TENM3: variants seen among roughly 807,000 people sequenced by gnomAD.
TENM3 encodes teneurin-3.
A neutral mutation model predicts 255.1 loss-of-function variants in TENM3; 63 were observed. That is an observed-to-expected ratio of 0.25 (90% CI 0.20 to 0.30). TENM3 has a LOEUF of 0.30. Among genes scored for constraint, TENM3 ranks in the 10% least tolerant of loss-of-function variants. The pLI, the probability that TENM3 is intolerant of heterozygous loss-of-function variation, is 1.00. For synonymous variants in TENM3, 1,306 were observed against 1,322.3 expected (o/e 0.99, Z 0.27); for missense variants, 2,929 against 3,461.1 (o/e 0.85, Z 3.86).
intron 3 of TENM3, among the ~76,000 whole-genome samples, chr4:182,374,731 C>T (rs1422843499): frequency 6.6e-6 from 1 of 152,132 alleles, no homozygotes; most frequent in South Asian, 2.1e-4. Flanking sequence ...TTCTTCCTGT[C>T]TTTTGTCCTT....
the TENM3 span, among the ~76,000 whole-genome samples, chr4:182,008,561 C>T: frequency 7.2e-5 from 11 of 151,880 alleles, no homozygotes; most frequent in African/African-American, 1.9e-4. Context: ...CTGAAATTCT[C>T]GTGCTATGTT....
intron 1 of TENM3, among the ~76,000 whole-genome samples, chr4:182,253,860 G>A (rs1487513341): frequency 6.6e-6 from 1 of 151,714 alleles, no homozygotes. Flanking sequence ...CCCAGTAAAT[G>A]CCTTAAAAAA....
the TENM3 span, among the ~76,000 whole-genome samples, chr4:181,672,938 T>C: frequency 2.0e-5 from 3 of 152,302 alleles, no homozygotes; most frequent in East Asian, 5.8e-4. Context: ...TCTGTAGCTG[T>C]CTCTGTTCTC....
At chr4:182,309,510 C>T (rs1294491579) in intron 1 of TENM3, among the ~76,000 whole-genome samples, 1 of 152,180 alleles carries the variant, frequency 6.6e-6, no homozygotes, top group African/African-American at 2.4e-5. Context: ...CAGTTTCATT[C>T]CTCCTCTTGA....
At chr4:182,561,943 T>G (rs926528965) in intron 3 of TENM3, among the ~76,000 whole-genome samples, 54 of 152,012 alleles carry the variant, frequency 3.6e-4, no homozygotes, top group African/African-American at 1.3e-3. Context: ...TGTGCATATA[T>G]GTATATAAAC....
the TENM3 span, among the ~76,000 whole-genome samples, chr4:181,480,997 A>G: frequency 9.7e-4 from 147 of 151,872 alleles, 5 homozygotes; most frequent in East Asian, 0.027. Flanking sequence ...ACAGCGATTG[A>G]CATTCACCAT....
chr4:181,605,821 A>G, the TENM3 span, among the ~76,000 whole-genome samples: 1 of 152,204 alleles, frequency 6.6e-6, no homozygotes, highest in Non-Finnish European at 1.5e-5. Flanking sequence ...GTTAGCAGTT[A>G]AAATCTTTTG....
At chr4:181,583,977 G>C in the TENM3 span, among the ~76,000 whole-genome samples, 1 of 152,150 alleles carries the variant, frequency 6.6e-6, no homozygotes, top group South Asian at 2.1e-4. Context: ...AGTTATCCAT[G>C]TATAAAGATT....
chr4:181,903,705 G>A, the TENM3 span, among the ~76,000 whole-genome samples: 1 of 152,110 alleles, frequency 6.6e-6, no homozygotes, highest in East Asian at 1.9e-4. Flanking sequence ...ACATCACCTT[G>A]GGAAGCAAGC....
intron 3 of TENM3, among the ~76,000 whole-genome samples, chr4:182,408,275 C>A (rs1455746352): frequency 1.3e-5 from 2 of 152,078 alleles, no homozygotes; most frequent in Non-Finnish European, 2.9e-5. Flanking sequence ...AAAAAGACAC[C>A]AATTTATCAA....
intron 3 of TENM3, among the ~76,000 whole-genome samples, chr4:182,585,690 G>A (rs1019620751): frequency 2.0e-5 from 3 of 152,126 alleles, no homozygotes; most frequent in African/African-American, 4.8e-5. Flanking sequence ...ATTTTGTTAC[G>A]GAAGCTTGAG....
At chr4:181,918,017 G>T in the TENM3 span, among the ~76,000 whole-genome samples, 1 of 152,088 alleles carries the variant, frequency 6.6e-6, no homozygotes, top group Non-Finnish European at 1.5e-5. Flanking sequence ...TTCTTAGGCT[G>T]AAAATATTTT....
intron 14 of TENM3, among the ~76,000 whole-genome samples, chr4:182,729,451 A>T (rs1035394307): frequency 2.0e-5 from 3 of 152,234 alleles, no homozygotes. Context: ...TTGTTAGCAC[A>T]GTTGGAAATG....
the TENM3 span, among the ~76,000 whole-genome samples, chr4:182,125,163 G>A: frequency 8.3e-6 from 1 of 120,908 alleles, no homozygotes; most frequent in Non-Finnish European, 1.8e-5. Context: ...ATTGCCCAGC[G>A]CATCCACGCT....
the TENM3 span, among the ~76,000 whole-genome samples, chr4:181,641,550 G>GTATA: frequency 2.5e-3 from 121 of 49,016 alleles, 6 homozygotes; most frequent in African/African-American, 0.013. Context: ...TCCATGGTGT[G>GTATA]TGTGTATATA....
chr4:181,594,638 C>T, the TENM3 span, among the ~76,000 whole-genome samples: 44 of 152,270 alleles, frequency 2.9e-4, no homozygotes, highest in Admixed American at 7.2e-4. Flanking sequence ...GCAGCCTCAA[C>T]GGGTTCCATG....
chr4:182,714,314 CCAAAAA>C lies in TENM3; in HGVS notation c.2368+82_2368+87del, dbSNP rs1758983355. The C allele has an allele frequency of 1.1e-4, 14 of 121,992 alleles. No individual in the cohort carries two copies. In the South Asian group the frequency reaches 1.8e-3, roughly 16 times the overall value. 7.6% of individuals were successfully genotyped at this position (121,992 alleles called of 1,614,324 possible). ...ACAGTGAGTACATAGATATCTGTTG[CCAAAAA>C]AAAAAAAAAAAAAAAAAAACCTGAT... On this transcript the variant is annotated intron_variant, in intron 13 of 27. Transcript: ENST00000511685.
At chr4:182,655,957 C>A (rs776431310) in intron 6 of TENM3, among the ~76,000 whole-genome samples, 79 of 152,146 alleles carry the variant, frequency 5.2e-4, no homozygotes, top group Non-Finnish European at 9.7e-4. Flanking sequence ...ACGCCACTTG[C>A]AACCCACTAA....
chr4:181,543,662 AG>A, the TENM3 span, among the ~76,000 whole-genome samples: 1 of 152,198 alleles, frequency 6.6e-6, no homozygotes, highest in Non-Finnish European at 1.5e-5. Flanking sequence ...TCCAACACTT[AG>A]GTGAGTATCA....
Sources: gnomAD v4.1 joint callset for allele counts (sites outside exome capture counted in the v4.1 genomes callset) on GRCh38, gnomAD v4.1.1 for gene constraint, MANE v1.5 for transcripts, NCBI Gene and HGNC (gene_info 2026-07-23, HGNC 2026-07-21) for gene names.